SLC25A21: variants seen among roughly 807,000 people sequenced by gnomAD.
SLC25A21 encodes mitochondrial 2-oxodicarboxylate carrier.
In SLC25A21, 47 loss-of-function variants were observed where a neutral mutation model predicts 43.8. The observed-to-expected ratio is 1.07, with a 90% CI of 0.85 to 1.37. The LOEUF is 1.37. SLC25A21 is among the 40% of genes most tolerant of loss of function. The pLI is 0.00. For missense variants in SLC25A21, 352 were observed against 350.2 expected (o/e 1.00, Z -0.04); for synonymous variants, 131 against 121.3 (o/e 1.08, Z -0.52).
At chr14:36,991,019 G>A (rs769106233) in intron 1 of SLC25A21, among the ~76,000 whole-genome samples, 7 of 152,130 alleles carry the variant, frequency 4.6e-5, no homozygotes, top group Non-Finnish European at 8.8e-5. Context: ...CTATTAAACA[G>A]CTTACAGTTT....
At chr14:37,037,693 T>G (rs1594763275) in intron 1 of SLC25A21, among the ~76,000 whole-genome samples, 1 of 152,198 alleles carries the variant, frequency 6.6e-6, no homozygotes, top group South Asian at 2.1e-4. Flanking sequence ...ATCTTATTCT[T>G]TACATATTTC....
At chr14:36,813,421 G>A (rs1018896209) in intron 3 of SLC25A21, among the ~76,000 whole-genome samples, 10 of 151,318 alleles carry the variant, frequency 6.6e-5, no homozygotes, top group African/African-American at 2.4e-4. Context: ...GTGCAGTGGC[G>A]CAATCCTAAC....
intron 7 of SLC25A21, among the ~76,000 whole-genome samples, chr14:36,704,673 A>C (rs1883429976): frequency 3.4e-5 from 5 of 148,038 alleles, no homozygotes; most frequent in Admixed American, 1.4e-4. Context: ...AAAAAAAAAC[A>C]AAAAAGAGAA....
chr14:36,971,423 C>T (rs1385040764), intron 1 of SLC25A21, among the ~76,000 whole-genome samples: 1 of 152,108 alleles, frequency 6.6e-6, no homozygotes, highest in African/African-American at 2.4e-5. Context: ...AGGGAGCAGA[C>T]AAGATGGCGC....
intron 1 of SLC25A21, among the ~76,000 whole-genome samples, chr14:36,957,518 AT>A (rs1959372572): frequency 6.6e-6 from 1 of 152,204 alleles, no homozygotes; most frequent in Non-Finnish European, 1.5e-5. Flanking sequence ...GTTGATCCCC[AT>A]AGATCCTTTC....
intron 3 of SLC25A21, among the ~76,000 whole-genome samples, chr14:36,800,781 T>G (rs1356991445): frequency 6.6e-6 from 1 of 152,170 alleles, no homozygotes; most frequent in Non-Finnish European, 1.5e-5. Context: ...AAAATTAAAG[T>G]CCCAGTCTGA....
chr14:36,995,428 G>T (rs1340742811), intron 1 of SLC25A21, among the ~76,000 whole-genome samples: 2 of 152,114 alleles, frequency 1.3e-5, no homozygotes, highest in Non-Finnish European at 2.9e-5. Flanking sequence ...GACAAAAAAA[G>T]TAACTTCTTT....
rs10135196 is a variant in SLC25A21, at chr14:36,734,492, G to A, written c.270+15C>T. ...TGCCCTACTTTTGCTTGGTGCGAAC[G>A]CATGCAATGCTTACCTTCACTGCTC... On this transcript the variant is annotated intron_variant, in intron 4 of 9. Coordinates refer to ENST00000331299, the MANE Select transcript of SLC25A21 (RefSeq NM_030631.4). 0.24 allele frequency: 375,525 copies of A among 1,596,494 alleles called. 46,220 individuals are homozygous for A. Among genetic ancestry groups the A allele is most frequent in the Admixed American group, 0.42 (24,421 of 58,568 alleles).
chr14:36,747,801 T>A (rs1365330200), intron 3 of SLC25A21, among the ~76,000 whole-genome samples: 2 of 152,182 alleles, frequency 1.3e-5, no homozygotes, highest in East Asian at 3.9e-4. Flanking sequence ...AGCTCTTCCA[T>A]TGTCCCACCC....
chr14:36,945,194 A>C (rs1214080383), intron 1 of SLC25A21, among the ~76,000 whole-genome samples: 1 of 152,212 alleles, frequency 6.6e-6, no homozygotes, highest in Non-Finnish European at 1.5e-5. Context: ...ACTGAGAAAT[A>C]AGGTATGTTA....
intron 1 of SLC25A21, among the ~76,000 whole-genome samples, chr14:37,002,284 A>G (rs904190719): frequency 1.3e-5 from 2 of 152,180 alleles, no homozygotes; most frequent in Non-Finnish European, 2.9e-5. Flanking sequence ...TCTCCACCAT[A>G]TCTCTCTACT....
At chr14:37,039,951 T>C (rs888450695) in intron 1 of SLC25A21, among the ~76,000 whole-genome samples, 1 of 151,876 alleles carries the variant, frequency 6.6e-6, no homozygotes, top group Non-Finnish European at 1.5e-5. Context: ...TCCCAATACT[T>C]TGGGAGGCCT....
At chr14:36,786,250 G>A (rs1887246837) in intron 3 of SLC25A21, among the ~76,000 whole-genome samples, 1 of 152,150 alleles carries the variant, frequency 6.6e-6, no homozygotes, top group South Asian at 2.1e-4. Context: ...ACCAGAGTAG[G>A]CACTCATTAA....
Position 36,735,930 on chromosome 14 carries a change from A to ATTTTTTTTT in SLC25A21, c.204-1366_204-1358dup, listed in dbSNP as rs776933723. ...CTGATATGGGCTTATTCTGGCCACA[A>ATTTTTTTTT]TTTTTTTTTTTTTTTTTTTTTTTTG... On this transcript the variant is annotated intron_variant, in intron 3 of 9. Transcript: ENST00000331299. Among the ~76,000 whole-genome samples the ATTTTTTTTT allele has an allele frequency of 8.3e-4, 70 of 84,304 alleles. 3 individuals carry two copies. Among genetic ancestry groups the ATTTTTTTTT allele is most frequent in the Non-Finnish European group, 1.2e-3 (55 of 47,472 alleles). 55.3% of individuals were successfully genotyped at this position (84,304 alleles called of 152,430 possible). A position where few individuals can be genotyped will look rare whatever the true frequency, so the allele number is the denominator to read the frequency against.
intron 6 of SLC25A21, among the ~76,000 whole-genome samples, chr14:36,719,437 A>C (rs750954338): frequency 6.6e-6 from 1 of 152,178 alleles, no homozygotes; most frequent in Non-Finnish European, 1.5e-5. Flanking sequence ...GATGGGGGGA[A>C]ATTTGGGTCT....
intron 4 of SLC25A21, among the ~76,000 whole-genome samples, chr14:36,733,660 T>C (rs1884919622): frequency 1.3e-5 from 2 of 152,168 alleles, no homozygotes; most frequent in South Asian, 2.1e-4. Flanking sequence ...ACATGAGTAA[T>C]GTATGTGAAA....
intron 1 of SLC25A21, among the ~76,000 whole-genome samples, chr14:36,954,094 C>T (rs1474677022): frequency 6.6e-6 from 1 of 152,174 alleles, no homozygotes; most frequent in African/African-American, 2.4e-5. Context: ...AACTGATCGT[C>T]CCATCTCTTC....
intron 1 of SLC25A21, among the ~76,000 whole-genome samples, chr14:36,971,256 C>A (rs1460548977): frequency 6.6e-6 from 1 of 152,138 alleles, no homozygotes; most frequent in African/African-American, 2.4e-5. Context: ...TAACAAAGAG[C>A]AGCCTGTAGA....
chr14:37,002,538 C>A (rs1043385769), intron 1 of SLC25A21, among the ~76,000 whole-genome samples: 2 of 152,088 alleles, frequency 1.3e-5, no homozygotes, highest in African/African-American at 2.4e-5. Flanking sequence ...CCTACGTATA[C>A]AACTTTGAGC....
Sources: gnomAD v4.1 joint callset for allele counts (sites outside exome capture counted in the v4.1 genomes callset) on GRCh38, gnomAD v4.1.1 for gene constraint, MANE v1.5 for transcripts, NCBI Gene and HGNC (gene_info 2026-07-23, HGNC 2026-07-21) for gene names.